The following UGT1A8 variants were observed in gnomAD, a reference collection of about 807,000 sequenced individuals.
UGT1A8 encodes the protein UDP-glucuronosyltransferase 1A8.
A neutral mutation model predicts 45.3 loss-of-function variants in UGT1A8; 39 were observed. The observed-to-expected ratio is 0.86, with a 90% CI of 0.67 to 1.12. The LOEUF is 1.12. Among genes scored for constraint, UGT1A8 ranks in the 50% most tolerant of loss-of-function variants. The pLI is 0.00. For synonymous variants in UGT1A8, 275 were observed against 249.2 expected (o/e 1.10, Z -0.97); for missense variants, 719 against 664.9 (o/e 1.08, Z -0.90).
chr2:233,688,149 G>T (rs975750928), intron 1 of UGT1A8, among the ~76,000 whole-genome samples: 1 of 152,048 alleles, frequency 6.6e-6, no homozygotes, highest in Non-Finnish European at 1.5e-5. Flanking sequence ...GTATGGATTT[G>T]CCTATTCTGG....
rs41264157 is a variant in UGT1A8 at position 233,755,111 on chromosome 2, G to C, written c.856-11923G>C. ...GTTTCTACGCGTCCGACAACACCTCGTAGGCCTCAGCCACCTGCTTGAATC... is the reference window on the plus strand; with the variant it reads ...GTTTCTACGCGTCCGACAACACCTCCTAGGCCTCAGCCACCTGCTTGAATC... On this transcript the variant is annotated intron_variant, in intron 1 of 4. Transcript: ENST00000373450. 5.5e-4 allele frequency: 736 copies of C among 1,331,768 alleles called. 3 individuals are homozygous for C. The African/African-American group carries it at 7.2e-3, about 13-fold the overall frequency. The allele number at this position is 1,331,768 out of a possible 1,614,324, so 82.5% of individuals were successfully genotyped here.
At chr2:233,661,716 T>A (rs1325928423) in intron 1 of UGT1A8, among the ~76,000 whole-genome samples, 1 of 146,542 alleles carries the variant, frequency 6.8e-6, no homozygotes, top group African/African-American at 2.6e-5. Flanking sequence ...TTCTTTTTTT[T>A]TTTTTTAATG....
intron 1 of UGT1A8, among the ~76,000 whole-genome samples, chr2:233,700,981 G>C (rs1279444700): frequency 6.7e-6 from 1 of 149,674 alleles, no homozygotes; most frequent in African/African-American, 2.5e-5. Flanking sequence ...TTGATTTTTT[G>C]TCCTTGCGAT....
intron 1 of UGT1A8, among the ~76,000 whole-genome samples, chr2:233,717,147 A>G (rs2076552240): frequency 6.6e-6 from 1 of 152,232 alleles, no homozygotes. Flanking sequence ...ACATGGAAAT[A>G]GAACATGGGA....
chr2:233,645,193 A>G (rs2073567241), intron 1 of UGT1A8, among the ~76,000 whole-genome samples: 1 of 152,188 alleles, frequency 6.6e-6, no homozygotes. Flanking sequence ...AGGCTTCTTG[A>G]GAGACTTATT....
At chr2:233,753,409 C>A (rs1226930464) in intron 1 of UGT1A8, 1 of 152,194 alleles carries the variant, frequency 6.6e-6, no homozygotes, top group African/African-American at 2.4e-5. Flanking sequence ...CATATCCAAA[C>A]CCATTGTCAC....
At chr2:233,661,692 G>T in intron 1 of UGT1A8, among the ~76,000 whole-genome samples, 1 of 47,602 alleles carries the variant, frequency 2.1e-5, no homozygotes, top group Admixed American at 2.0e-4. Context: ...TTTAAACAAA[G>T]GTCCTTATCT....
At chr2:233,746,254 A>G (rs184175169) in intron 1 of UGT1A8, among the ~76,000 whole-genome samples, 17 of 151,944 alleles carry the variant, frequency 1.1e-4, no homozygotes, top group Non-Finnish European at 1.5e-4. Context: ...ACAAGGCAGA[A>G]CAGAACAAAA....
intron 1 of UGT1A8, chr2:233,744,024 G>T: frequency 1.1e-6 from 1 of 951,358 alleles, no homozygotes; most frequent in Non-Finnish European, 1.4e-6. Flanking sequence ...CTGGAGAGAC[G>T]CCCCTTATGA....
intron 1 of UGT1A8, among the ~76,000 whole-genome samples, chr2:233,623,909 A>G (rs1040955414): frequency 6.6e-6 from 1 of 152,168 alleles, no homozygotes; most frequent in East Asian, 1.9e-4. Flanking sequence ...CATGCCTCTG[A>G]TGAATCCTTC....
chr2:233,630,525 G>C (rs564279152), intron 1 of UGT1A8, among the ~76,000 whole-genome samples: 1 of 152,242 alleles, frequency 6.6e-6, no homozygotes, highest in South Asian at 2.1e-4. Flanking sequence ...AAGGATACCT[G>C]AGGCTGGGTA....
At chr2:233,742,994 G>A in intron 1 of UGT1A8, 1 of 234,262 alleles carries the variant, frequency 4.3e-6, no homozygotes, top group South Asian at 6.0e-5. Flanking sequence ...ATAGCAAATT[G>A]CATACAGATA....
chr2:233,710,978 A>G (rs140635768), intron 1 of UGT1A8, among the ~76,000 whole-genome samples: 1 of 152,344 alleles, frequency 6.6e-6, no homozygotes, highest in Non-Finnish European at 1.5e-5. Context: ...GGAATATACA[A>G]TCATTCAGAT....
intron 1 of UGT1A8, chr2:233,755,034 C>T (rs1309322723): frequency 1.5e-6 from 2 of 1,316,576 alleles, no homozygotes; most frequent in Admixed American, 3.8e-5. Context: ...GGGCCTGCCG[C>T]CTGCGCAGCC....
chr2:233,752,100 A>T (rs1044606587), intron 1 of UGT1A8, among the ~76,000 whole-genome samples: 1 of 152,250 alleles, frequency 6.6e-6, no homozygotes, highest in Non-Finnish European at 1.5e-5. Context: ...GACAGAAAGT[A>T]GAATCAGAGG....
intron 1 of UGT1A8, among the ~76,000 whole-genome samples, chr2:233,627,673 CTTCCTTCT>C (rs1452214525): frequency 1.1e-4 from 14 of 130,612 alleles, no homozygotes; most frequent in African/African-American, 2.2e-4. Flanking sequence ...TCCTTCCTTC[CTTCCTTCT>C]TTCTTTCTTT....
chr2:233,641,647 T>C (rs924591290), intron 1 of UGT1A8, among the ~76,000 whole-genome samples: 2 of 152,220 alleles, frequency 1.3e-5, no homozygotes, highest in Admixed American at 1.3e-4. Flanking sequence ...AGCTTCCTTT[T>C]CTTTCTGATT....
At chr2:233,726,270 A>G (rs6711351) in intron 1 of UGT1A8, among the ~76,000 whole-genome samples, 81,704 of 152,100 alleles carry the variant, frequency 0.54, 23,602 homozygotes, top group African/African-American at 0.76. Context: ...GCATGCGCCT[A>G]TGGTCCCAGG....
chr2:233,690,610 G>T, intron 1 of UGT1A8: 1 of 1,289,080 alleles, frequency 7.8e-7, no homozygotes, highest in Non-Finnish European at 1.0e-6. Context: ...ATCGGCCTTT[G>T]CCTGGACACT....
Sources: allele counts gnomAD v4.1 joint callset (sites outside exome capture counted in the v4.1 genomes callset), GRCh38; gene constraint gnomAD v4.1.1; transcripts MANE v1.5; gene names NCBI Gene and HGNC (gene_info 2026-07-23, HGNC 2026-07-21).